The following PBX3 variants were observed in gnomAD, a reference collection of about 807,000 sequenced individuals.
The protein encoded by PBX3 is pre-B-cell leukemia transcription factor 3.
Under a neutral mutation model 48.5 loss-of-function variants are expected in PBX3, and 14 were observed. The observed-to-expected ratio is 0.29, with a 90% CI of 0.19 to 0.45. The LOEUF (loss-of-function observed/expected upper bound fraction) is 0.45. PBX3 is among the 20% of genes least tolerant of loss of function. PBX3 has a pLI of 1.00. For missense variants in PBX3, 386 were observed against 546.7 expected (o/e 0.71, Z 2.93); for synonymous variants, 210 against 200.3 (o/e 1.05, Z -0.41).
At chr9:125,804,366 G>A (rs942878793) in intron 2 of PBX3, among the ~76,000 whole-genome samples, 1 of 152,130 alleles carries the variant, frequency 6.6e-6, no homozygotes, top group Non-Finnish European at 1.5e-5. Context: ...CTCTCTGGGC[G>A]GCTGGGCTCA....
intron 2 of PBX3, among the ~76,000 whole-genome samples, chr9:125,818,834 G>C (rs867632147): frequency 6.6e-6 from 1 of 151,626 alleles, no homozygotes; most frequent in Non-Finnish European, 1.5e-5. Flanking sequence ...TGATGATGAT[G>C]ATGATTATTA....
At chr9:125,824,175 C>G (rs2132168591) in intron 2 of PBX3, among the ~76,000 whole-genome samples, 1 of 151,992 alleles carries the variant, frequency 6.6e-6, no homozygotes, top group Middle Eastern at 3.4e-3. Flanking sequence ...TTATTTTTAG[C>G]TTTATCAATA....
chr9:125,790,266 T>TTC (rs1837563732), intron 2 of PBX3, among the ~76,000 whole-genome samples: 2 of 152,044 alleles, frequency 1.3e-5, no homozygotes, highest in South Asian at 4.1e-4. Flanking sequence ...TTCTTTTTTT[T>TTC]TTTTTTGAGA....
At chr9:125,889,951 C>T (rs1330388516) in intron 2 of PBX3, among the ~76,000 whole-genome samples, 2 of 151,298 alleles carry the variant, frequency 1.3e-5, no homozygotes, top group Admixed American at 1.3e-4. Flanking sequence ...CCGGCGGCCC[C>T]GGCTGCGCCC....
chr9:125,798,336 G>A (rs1458320908), intron 2 of PBX3, among the ~76,000 whole-genome samples: 2 of 152,000 alleles, frequency 1.3e-5, no homozygotes, highest in Non-Finnish European at 2.9e-5. Flanking sequence ...CAAGTTCTCA[G>A]TCATTATTAA....
At chr9:125,933,778 G>A (rs1374197053) in intron 4 of PBX3, among the ~76,000 whole-genome samples, 2 of 152,126 alleles carry the variant, frequency 1.3e-5, no homozygotes, top group African/African-American at 4.8e-5. Context: ...CAGAAACCTA[G>A]ATTTTTATGA....
At chr9:125,965,779 A>G in intron 8 of PBX3, 52 bp from the exon 9 acceptor site, 1 of 1,315,308 alleles carries the variant, frequency 7.6e-7, no homozygotes, top group Non-Finnish European at 1.1e-6. Context: ...TAAATTGGGG[A>G]GTAGAATTAA....
chr9:125,849,453 A>G (rs1039121541), intron 2 of PBX3, among the ~76,000 whole-genome samples: 4 of 151,938 alleles, frequency 2.6e-5, no homozygotes, highest in East Asian at 1.9e-4. Context: ...TTGAAGTGCT[A>G]TGTCACAGTA....
At chr9:125,814,402 A>G (rs559857874) in intron 2 of PBX3, among the ~76,000 whole-genome samples, 2 of 152,206 alleles carry the variant, frequency 1.3e-5, no homozygotes, top group South Asian at 2.1e-4. Context: ...AATGGATCCA[A>G]ATTGTTCCAA....
chr9:125,842,223 A>G (rs1839307215), intron 2 of PBX3, among the ~76,000 whole-genome samples: 1 of 152,180 alleles, frequency 6.6e-6, no homozygotes, highest in African/African-American at 2.4e-5. Flanking sequence ...CTTCTCTTTC[A>G]GGCCATCTTA....
At chr9:125,837,835 C>G (rs142938609) in intron 2 of PBX3, among the ~76,000 whole-genome samples, 9 of 152,264 alleles carry the variant, frequency 5.9e-5, no homozygotes, top group Non-Finnish European at 1.0e-4. Flanking sequence ...TGTGATCCGC[C>G]CACTTCGGCC....
At chr9:125,919,499 G>A (rs769935952) in intron 3 of PBX3, among the ~76,000 whole-genome samples, 8 of 151,196 alleles carry the variant, frequency 5.3e-5, no homozygotes, top group Non-Finnish European at 1.0e-4. Context: ...GTGAGCCACC[G>A]CGCCTGGCCA....
At chr9:125,780,322 A>G (rs1470214594) in intron 2 of PBX3, among the ~76,000 whole-genome samples, 1 of 128,792 alleles carries the variant, frequency 7.8e-6, no homozygotes. Flanking sequence ...GGCTGGGCAG[A>G]GGCGCCCCTC....
At chr9:125,893,860 GAAC>G (rs1409131673) in intron 2 of PBX3, among the ~76,000 whole-genome samples, 2 of 151,774 alleles carry the variant, frequency 1.3e-5, no homozygotes, top group East Asian at 3.9e-4. Flanking sequence ...GCTTATCATA[GAAC>G]AATAATAAAG....
In PBX3 at chr9:125,901,520, T is replaced by C. The variant is rs1404532439; in HGVS notation, c.275-14166T>C. On this transcript the variant is annotated intron_variant, in intron 2 of 8. Coordinates refer to ENST00000373489, the MANE Select transcript of PBX3 (RefSeq NM_006195.6). The stretch of plus-strand genomic sequence containing the variant: ...TTTCTGCTGAACGGCTATATATGTA[T>C]AGGTTTTAGTATAGTACTGTGCATA... 4.0e-5 allele frequency among the ~76,000 whole-genome samples: 6 copies of C among 151,708 alleles called. No homozygotes were observed. The East Asian group carries it at 9.7e-4, about 24-fold the overall frequency.
chr9:125,790,240 C>T (rs886607870), intron 2 of PBX3, among the ~76,000 whole-genome samples: 4 of 151,596 alleles, frequency 2.6e-5, no homozygotes, highest in Non-Finnish European at 4.4e-5. Context: ...ATTGCAGAGA[C>T]TATTTCTTTC....
intron 2 of PBX3, among the ~76,000 whole-genome samples, chr9:125,870,259 G>A (rs1364978980): frequency 6.6e-6 from 1 of 151,996 alleles, no homozygotes; most frequent in East Asian, 1.9e-4. Flanking sequence ...AGTAGAGATG[G>A]GGTTTCACCA....
chr9:125,846,548 G>T (rs943873357), intron 2 of PBX3, among the ~76,000 whole-genome samples: 4 of 151,910 alleles, frequency 2.6e-5, no homozygotes, highest in Non-Finnish European at 5.9e-5. Context: ...TTTTATTAGG[G>T]TGAATTTTGA....
At chr9:125,761,353 T>C (rs1273524513) in intron 2 of PBX3, among the ~76,000 whole-genome samples, 16 of 152,130 alleles carry the variant, frequency 1.1e-4, no homozygotes, top group Admixed American at 1.0e-3. Flanking sequence ...GAGTAAAACA[T>C]TGTTCCATAT....
Sources: gnomAD v4.1 joint callset for allele counts (sites outside exome capture counted in the v4.1 genomes callset) on GRCh38, gnomAD v4.1.1 for gene constraint, MANE v1.5 for transcripts, NCBI Gene and HGNC (gene_info 2026-07-23, HGNC 2026-07-21) for gene names.